NFYB: variants seen among roughly 807,000 people sequenced by gnomAD.
NFYB encodes CAAT box DNA-binding protein subunit B.
A neutral mutation model predicts 28.0 loss-of-function variants in NFYB; 13 were observed. The ratio of observed to expected loss-of-function variants is 0.46; its 90% CI spans 0.30 to 0.74. The LOEUF (loss-of-function observed/expected upper bound fraction) is 0.74. Ranked by LOEUF, NFYB falls within the 30% of genes least tolerant of loss-of-function variation. NFYB has a pLI of 0.07. For synonymous variants in NFYB, 74 were observed against 75.0 expected (o/e 0.99, Z 0.07); for missense variants, 142 against 247.6 (o/e 0.57, Z 2.86).
At chr12:104,129,251 T>C (rs1215920080) in intron 2 of NFYB, among the ~76,000 whole-genome samples, 2 of 152,088 alleles carry the variant, frequency 1.3e-5, no homozygotes, top group Non-Finnish European at 2.9e-5. Context: ...GGAGGACTGC[T>C]TGAGCTCAAG....
intron 4 of NFYB, 47 bp from the exon 5 acceptor site, chr12:104,123,470 T>A: frequency 6.6e-7 from 1 of 1,510,968 alleles, no homozygotes. Context: ...AACCATCACC[T>A]TCCTAACAAC....
intron 2 of NFYB, among the ~76,000 whole-genome samples, chr12:104,133,654 TA>T (rs2031002913): frequency 1.3e-5 from 2 of 152,210 alleles, no homozygotes; most frequent in Non-Finnish European, 2.9e-5. Flanking sequence ...CCCCCTCAAA[TA>T]CGGTTCTCAT....
chr12:104,119,622 C>T lies in NFYB; in HGVS notation c.*115G>A. The T allele has an allele frequency of 3.1e-6, 2 of 637,518 alleles. No homozygotes were observed. The highest frequency in any genetic ancestry group is 5.4e-6 in the Non-Finnish European group (2 of 369,810). The allele number at this position is 637,518 out of a possible 1,614,324, so 39.5% of individuals were successfully genotyped here. ...AGTCAAGCATCAGGAAGCTACATTA[C>T]AGCTATTAATATACAAAGATACATC... is the stretch of plus-strand genomic sequence containing the variant. On this transcript the variant is annotated 3_prime_UTR_variant, in exon 8 of 8. Coordinates refer to ENST00000240055, the MANE Select transcript of NFYB (RefSeq NM_006166.4).
At chr12:104,127,648 C>CCAA (rs1406437995) in intron 3 of NFYB, among the ~76,000 whole-genome samples, 1 of 147,082 alleles carries the variant, frequency 6.8e-6, no homozygotes, top group Non-Finnish European at 1.5e-5. Flanking sequence ...TTCTGATAGG[C>CCAA]CAACATAACA....
At position 104,118,326 on chromosome 12, in the gene NFYB, T is replaced by G. The variant is rs1193695463; in HGVS notation, c.*1411A>C. On this transcript the variant is annotated 3_prime_UTR_variant, in exon 8 of 8. Coordinates refer to ENST00000240055, the MANE Select transcript of NFYB (RefSeq NM_006166.4). ...ATTTACTACAATGAAGTTTGTTTTTTAAATGGAGAGTAGGAGATGAGGACA... is the reference window on the plus strand; with the variant it reads ...ATTTACTACAATGAAGTTTGTTTTTGAAATGGAGAGTAGGAGATGAGGACA... 6.6e-6 allele frequency: 1 copy of G among 152,610 alleles called. No homozygotes were observed. The highest frequency in any genetic ancestry group is 6.5e-5 in the Admixed American group (1 of 15,280). 9.5% of individuals were successfully genotyped at this position (152,610 alleles called of 1,614,324 possible).
chr12:104,120,602 G>A, intron 6 of NFYB, 123 bp from the exon 7 acceptor site: 1 of 656,564 alleles, frequency 1.5e-6, no homozygotes, highest in Admixed American at 2.6e-5. Context: ...TGTAGTCTTG[G>A]ACAAAATAAT....
chr12:104,128,044 A>C (rs1376880801), intron 3 of NFYB, among the ~76,000 whole-genome samples: 4 of 152,210 alleles, frequency 2.6e-5, no homozygotes, highest in African/African-American at 9.7e-5. Context: ...AACCAAAAAT[A>C]AATCATAAGT....
chr12:104,137,561 T>A (rs1000228852), intron 1 of NFYB: 3 of 151,962 alleles, frequency 2.0e-5, no homozygotes, highest in Non-Finnish European at 4.4e-5. Context: ...CCAGAGCGCA[T>A]CCCCTGACTC....
Position 104,128,426 on chromosome 12 carries a change from T to C in NFYB, c.98A>G (p.Asp33Gly). ...GGTTCTAATTGTGGCTTGCTTACCA[T>C]CATGAGGCTGTATAACATAATGACT... ...GGSHYVIQPH[D>G]DTEDSMNDHE... The change falls in exon 3 of 8, where the codon GAT becomes GGT. Residue 33 changes from aspartate to glycine, a missense_variant and splice_region_variant. By Grantham distance (94) the Asp-to-Gly change is moderately conservative (BLOSUM62 -1). Coordinates refer to ENST00000240055, the MANE Select transcript of NFYB (RefSeq NM_006166.4). 6.2e-7 allele frequency: 1 copy of C among 1,602,984 alleles called. No homozygotes were observed. The highest frequency in any genetic ancestry group is 8.5e-7 in the Non-Finnish European group (1 of 1,173,708).
At chr12:104,123,021 C>A (rs1171994955) in intron 5 of NFYB, among the ~76,000 whole-genome samples, 1 of 151,722 alleles carries the variant, frequency 6.6e-6, no homozygotes, top group Non-Finnish European at 1.5e-5. Flanking sequence ...ACTAAAAATA[C>A]AAAACTTAGC....
chr12:104,121,503 G>A (rs2030472640), intron 5 of NFYB, among the ~76,000 whole-genome samples, 182 bp from the exon 6 acceptor site: 1 of 152,092 alleles, frequency 6.6e-6, no homozygotes, highest in Non-Finnish European at 1.5e-5. Context: ...TTTAATATAA[G>A]CTGTAATCAT....
chr12:104,125,487 CAAA>C (rs759904666), intron 4 of NFYB: 20 of 104,280 alleles, frequency 1.9e-4, no homozygotes, highest in East Asian at 1.4e-3. Flanking sequence ...AACTCCGTCT[CAAA>C]AAAAAAAAAA....
intron 7 of NFYB, among the ~76,000 whole-genome samples, 159 bp downstream of exon 7, chr12:104,120,241 G>C (rs1376333871): frequency 1.3e-5 from 2 of 152,084 alleles, no homozygotes; most frequent in Non-Finnish European, 2.9e-5. Flanking sequence ...TTTTAGTAGA[G>C]ACAGGGTTTC....
chr12:104,136,146 C>T (rs2031091893), intron 1 of NFYB, among the ~76,000 whole-genome samples: 1 of 152,112 alleles, frequency 6.6e-6, no homozygotes, highest in Non-Finnish European at 1.5e-5. Context: ...GAAGCACCAC[C>T]ATTTTTGACT....
Position 104,128,492 on chromosome 12 carries a change from T to A in NFYB, c.32A>T (p.Asp11Val). The stretch of plus-strand genomic sequence containing the variant: ...TGCAGAGATTCCTAGTTGAGAAGCA[T>A]CTGTTGTAGAACTGTCACCATCCAT... The part of the protein sequence containing the change: MTMDGDSSTT[D>V]ASQLGISADY... The change falls in exon 3 of 8, where the codon GAT (aspartate) becomes GTT (valine). Residue 11 changes from aspartate to valine, a missense_variant. Coordinates refer to ENST00000240055, the MANE Select transcript of NFYB (RefSeq NM_006166.4). 1 of 1,612,958 alleles carries A rather than the reference T, an allele frequency of 6.2e-7. No individual in the cohort carries two copies. Among genetic ancestry groups the A allele is most frequent in the Non-Finnish European group, 8.5e-7 (1 of 1,179,302 alleles).
At position 104,118,427 on chromosome 12, in the gene NFYB, A is replaced by G. The variant is rs1376103056; in HGVS notation, c.*1310T>C. The G allele has an allele frequency of 2.0e-5, 3 of 152,574 alleles. No individual in the cohort carries two copies. Among genetic ancestry groups the G allele is most frequent in the Admixed American group, 6.6e-5 (1 of 15,266 alleles). 9.5% of individuals were successfully genotyped at this position (152,574 alleles called of 1,614,324 possible). ...AAGTAAATGTTTCTGTTCAGCCTAT[A>G]TCTGGGAAATTGCTTCTACCTTATA... On this transcript the variant is annotated 3_prime_UTR_variant, in exon 8 of 8. Transcript: ENST00000240055.
In NFYB at chr12:104,119,652, C is replaced by T. The variant is rs1024373161; in HGVS notation, c.*85G>A. 3.2e-6 allele frequency: 3 copies of T among 948,374 alleles called. No homozygotes were observed. In the Admixed American group the frequency reaches 5.9e-5, roughly 19 times the overall value. The allele number at this position is 948,374 out of a possible 1,614,324, so 58.7% of individuals were successfully genotyped here. A position where few individuals can be genotyped will look rare whatever the true frequency, so the allele number is the denominator to read the frequency against. Reference sequence around the variant, plus strand: ...ATTAATATACAAAGATACATCTTTTCACCAGTCTTTCCTTCTGATGTCTCT... The same window carrying T: ...ATTAATATACAAAGATACATCTTTTTACCAGTCTTTCCTTCTGATGTCTCT... On this transcript the variant is annotated 3_prime_UTR_variant, in exon 8 of 8. Transcript: ENST00000240055.
chr12:104,133,064 AT>A (rs1246008352), intron 2 of NFYB, among the ~76,000 whole-genome samples: 1 of 152,162 alleles, frequency 6.6e-6, no homozygotes, highest in Admixed American at 6.5e-5. Context: ...ATAAATCTTT[AT>A]TTTTTTGATG....
At chr12:104,133,052 TAATA>T (rs1230774197) in intron 2 of NFYB, among the ~76,000 whole-genome samples, 1 of 152,254 alleles carries the variant, frequency 6.6e-6, no homozygotes, top group Admixed American at 6.5e-5. Context: ...GGTAGTGGGC[TAATA>T]AATCTTTATT....
Sources: allele counts gnomAD v4.1 joint callset (sites outside exome capture counted in the v4.1 genomes callset), GRCh38; gene constraint gnomAD v4.1.1; transcripts MANE v1.5; gene names NCBI Gene and HGNC (gene_info 2026-07-23, HGNC 2026-07-21).